The following CELF4 variants were observed in gnomAD, a reference collection of about 807,000 sequenced individuals.
CELF4 encodes the protein CUG-BP- and ETR-3-like factor 4.
CELF4 carries 18 observed loss-of-function variants against 59.9 expected under a neutral mutation model. The observed-to-expected ratio is 0.30, with a 90% CI of 0.21 to 0.45. The LOEUF (loss-of-function observed/expected upper bound fraction) is 0.45. Among genes scored for constraint, CELF4 ranks in the 20% least tolerant of loss-of-function variants. The pLI is 1.00. For synonymous variants in CELF4, 261 were observed against 267.1 expected, an observed-to-expected ratio of 0.98 and a Z score of 0.22; for missense variants, 456 against 689.0, an observed-to-expected ratio of 0.66 and a Z score of 3.79.
chr18:37,319,604 G>T (rs1305630459), intron 3 of CELF4, among the ~76,000 whole-genome samples: 1 of 152,188 alleles, frequency 6.6e-6, no homozygotes, highest in Admixed American at 6.5e-5. Context: ...GCAGGCACAG[G>T]CCCCAAGGAT....
At chr18:37,344,773 A>T (rs1436513281) in intron 2 of CELF4, among the ~76,000 whole-genome samples, 1 of 152,252 alleles carries the variant, frequency 6.6e-6, no homozygotes, top group Non-Finnish European at 1.5e-5. Flanking sequence ...AGCTGTCACC[A>T]TTCCTGTTTG....
chr18:37,284,567 T>C (rs2094547176), intron 3 of CELF4, among the ~76,000 whole-genome samples: 1 of 152,128 alleles, frequency 6.6e-6, no homozygotes, highest in Admixed American at 6.5e-5. Flanking sequence ...GACAAGAGCC[T>C]GAAGGACCCA....
chr18:37,508,185 C>A (rs1055577768), intron 1 of CELF4, among the ~76,000 whole-genome samples: 11 of 152,178 alleles, frequency 7.2e-5, no homozygotes, highest in Non-Finnish European at 1.3e-4. Context: ...ATGAGACAGG[C>A]TGGGCTTGAT....
chr18:37,499,841 G>A (rs2099929482), intron 1 of CELF4, among the ~76,000 whole-genome samples: 2 of 152,218 alleles, frequency 1.3e-5, no homozygotes, highest in Admixed American at 6.5e-5. Context: ...GCACAGTCCT[G>A]GCACCAAGTG....
At chr18:37,391,065 G>A (rs2099155980) in intron 2 of CELF4, among the ~76,000 whole-genome samples, 1 of 152,092 alleles carries the variant, frequency 6.6e-6, no homozygotes, top group Non-Finnish European at 1.5e-5. Context: ...GTCTCGTTTG[G>A]CCGGCCTGAG....
chr18:37,496,413 G>C (rs2099925251), intron 1 of CELF4, among the ~76,000 whole-genome samples: 1 of 152,180 alleles, frequency 6.6e-6, no homozygotes, highest in Non-Finnish European at 1.5e-5. Flanking sequence ...GCAGGGTCTG[G>C]TCACATGGTG....
intron 11 of CELF4, among the ~76,000 whole-genome samples, chr18:37,257,084 AG>A (rs201402273): frequency 7.8e-4 from 117 of 150,122 alleles, no homozygotes; most frequent in Middle Eastern, 3.5e-3. Flanking sequence ...CTAATTAGAG[AG>A]AAAAAAAAAC....
Position 37,440,048 on chromosome 18 carries a change from C to T in CELF4, c.369+45477G>A, listed in dbSNP as rs946847131. 1.5e-4 allele frequency among the ~76,000 whole-genome samples: 23 copies of T among 152,344 alleles called. 1 individual carries two copies. Among genetic ancestry groups the T allele is most frequent in the African/African-American group, 5.3e-4 (22 of 41,566 alleles). Reference sequence around the variant, plus strand: ...GGCTCCTGCTTCCTTCATCACCTCCCTCTTGCCCAGGCTCAGCCTTGGAGC... The same window carrying T: ...GGCTCCTGCTTCCTTCATCACCTCCTTCTTGCCCAGGCTCAGCCTTGGAGC... On this transcript the variant is annotated intron_variant, in intron 2 of 12. Coordinates refer to ENST00000420428, the MANE Select transcript of CELF4 (RefSeq NM_020180.4).
chr18:37,278,402 GT>G (rs780593519), intron 3 of CELF4, among the ~76,000 whole-genome samples: 1 of 152,200 alleles, frequency 6.6e-6, no homozygotes, highest in Non-Finnish European at 1.5e-5. Context: ...CTCCAGTTGG[GT>G]ATTGTGGCTT....
intron 2 of CELF4, among the ~76,000 whole-genome samples, chr18:37,379,873 G>A (rs2099016048): frequency 6.6e-6 from 1 of 152,176 alleles, no homozygotes; most frequent in African/African-American, 2.4e-5. Flanking sequence ...CAGAGGGGTG[G>A]ATTAAACATC....
At chr18:37,371,721 G>A (rs1467144712) in intron 2 of CELF4, among the ~76,000 whole-genome samples, 1 of 152,212 alleles carries the variant, frequency 6.6e-6, no homozygotes, top group East Asian at 1.9e-4. Flanking sequence ...GTGACCACAG[G>A]GCTGGCCCAG....
At chr18:37,391,420 C>T (rs753506865) in intron 2 of CELF4, among the ~76,000 whole-genome samples, 38 of 152,248 alleles carry the variant, frequency 2.5e-4, no homozygotes, top group Non-Finnish European at 4.8e-4. Flanking sequence ...GCAGCCTGCT[C>T]TGCTGGGTCT....
At chr18:37,487,598 G>C (rs1326575061) in intron 1 of CELF4, among the ~76,000 whole-genome samples, 2 of 152,158 alleles carry the variant, frequency 1.3e-5, no homozygotes, top group Non-Finnish European at 2.9e-5. Context: ...CGTCCCTCGT[G>C]CTGCCGCCTG....
Position 37,427,039 on chromosome 18 carries a change from G to GA in CELF4, c.369+58485_369+58486insT, listed in dbSNP as rs900387636. On this transcript the variant is annotated intron_variant, in intron 2 of 12. Coordinates refer to ENST00000420428, the MANE Select transcript of CELF4 (RefSeq NM_020180.4). ...GGGTGCTGGCAGCAGCAGGGACACGGGGGGGGGGGAAGCTGGGCACCCTGG... is the reference window on the plus strand; with the variant it reads ...GGGTGCTGGCAGCAGCAGGGACACGGAGGGGGGGGGAAGCTGGGCACCCTGG... 2.9e-4 allele frequency among the ~76,000 whole-genome samples: 7 copies of GA among 24,322 alleles called. No homozygotes were observed. The South Asian group carries it at 0.014, about 48-fold the overall frequency. 16.0% of individuals were successfully genotyped at this position (24,322 alleles called of 152,430 possible).
intron 2 of CELF4, among the ~76,000 whole-genome samples, chr18:37,357,258 G>A (rs558413217): frequency 3.1e-4 from 47 of 152,208 alleles, no homozygotes; most frequent in Non-Finnish European, 5.6e-4. Flanking sequence ...GGATGATATG[G>A]TTTGGCTGTG....
chr18:37,393,307 C>G (rs963797242), intron 2 of CELF4, among the ~76,000 whole-genome samples: 3 of 152,174 alleles, frequency 2.0e-5, no homozygotes, highest in Middle Eastern at 3.2e-3. Context: ...GGCACTTGCT[C>G]AAAGCCACTC....
rs897903137 is a variant in CELF4 at position 37,492,539 on chromosome 18, G to T, written c.287-6932C>A. Among the ~76,000 whole-genome samples the T allele has an allele frequency of 1.4e-4, 21 of 152,160 alleles. 1 individual carries two copies. The highest frequency in any genetic ancestry group is 4.8e-4 in the African/African-American group (20 of 41,434). ...CCCCCATCCAGGCTCTGTCTTTCGT[G>T]CTCTGGGTGGGCAAAGACAGTCTTC... On this transcript the variant is annotated intron_variant, in intron 1 of 12. Transcript: ENST00000420428.
At chr18:37,469,475 T>C (rs999672307) in intron 2 of CELF4, among the ~76,000 whole-genome samples, 1 of 152,186 alleles carries the variant, frequency 6.6e-6, no homozygotes, top group African/African-American at 2.4e-5. Context: ...CCCGCTGAGT[T>C]AGATCAGTTC....
chr18:37,433,508 A>T (rs1351425613), intron 2 of CELF4, among the ~76,000 whole-genome samples: 1 of 152,234 alleles, frequency 6.6e-6, no homozygotes, highest in East Asian at 1.9e-4. Context: ...TCAGCACAGC[A>T]CAGAGCACAC....
Sources: gnomAD v4.1 joint callset for allele counts (sites outside exome capture counted in the v4.1 genomes callset) on GRCh38, gnomAD v4.1.1 for gene constraint, MANE v1.5 for transcripts, NCBI Gene and HGNC (gene_info 2026-07-23, HGNC 2026-07-21) for gene names.